TRIM45: variants seen among roughly 807,000 people sequenced by gnomAD.
TRIM45 encodes the protein E3 ubiquitin-protein ligase TRIM45.
A neutral mutation model predicts 46.7 loss-of-function variants in TRIM45; 45 were observed. The ratio of observed to expected loss-of-function variants is 0.96; its 90% CI spans 0.76 to 1.24. The LOEUF is 1.24. TRIM45 is among the 50% of genes most tolerant of loss of function. The probability of loss-of-function intolerance (pLI) is 0.00; values close to 1 mark genes in which losing one functional copy is unlikely to be tolerated. For missense variants in TRIM45, 680 were observed against 728.4 expected (o/e 0.93, Z 0.77); for synonymous variants, 259 against 285.8 (o/e 0.91, Z 0.94).
rs1252355305 is a variant in TRIM45 at position 117,117,955 on chromosome 1, A to G, written c.1222+79T>C. 5.2e-6 allele frequency: 8 copies of G among 1,533,268 alleles called. No individual in the cohort carries two copies. Among genetic ancestry groups the G allele is most frequent in the African/African-American group, 4.1e-5 (3 of 72,972 alleles). 95.0% of individuals were successfully genotyped at this position (1,533,268 alleles called of 1,614,324 possible). A position where few individuals can be genotyped will look rare whatever the true frequency, so the allele number is the denominator to read the frequency against. The stretch of plus-strand genomic sequence containing the variant: ...ACCTGGTCAGTAGGGCATGCTTCCT[A>G]GCAGAACAAGCCACCAATCTTCACA... On this transcript the variant is annotated intron_variant, in intron 2 of 5. Coordinates refer to ENST00000256649, the MANE Select transcript of TRIM45 (RefSeq NM_025188.4). The surrounding 1 kb of genome is among the most constrained non-coding windows in gnomAD (Gnocchi z 4.9).
At position 117,117,501 on chromosome 1, in the gene TRIM45, C is replaced by T. The variant is rs1279017917; in HGVS notation, c.1222+533G>A. On this transcript the variant is annotated intron_variant, in intron 2 of 5. Transcript: ENST00000256649. This position sits in a 1 kb window ranked among gnomAD's most constrained non-coding sequence, Gnocchi z 4.9. ...ATGCTTCCATTAGAAAGGGAACACT[C>T]GTTAAAAAAAACCATTTTTTCCCCC... Among the ~76,000 whole-genome samples, 2 of 152,126 alleles carry T rather than the reference C, an allele frequency of 1.3e-5. No homozygotes were observed. Among genetic ancestry groups the T allele is most frequent in the Non-Finnish European group, 2.9e-5 (2 of 68,024 alleles).
chr1:117,121,080 A>G lies in TRIM45; in HGVS notation c.122T>C (p.Leu41Pro), dbSNP rs773461760. ...GCAAACTGTATGCAAACAAGGCAAG[A>G]GCCTGGGGGCTTTGAAAAGCCCCAA... ...LCLGLFKAPR[L>P]LPCLHTVCTT... The change falls in exon 1 of 6, where the codon CTC becomes CCC. Residue 41 changes from leucine (L) to proline (P), a missense_variant. By Grantham distance (98) the Leu-to-Pro change is moderately conservative. Coordinates refer to ENST00000256649, the MANE Select transcript of TRIM45 (RefSeq NM_025188.4). The surrounding 1 kb of genome is among the most constrained non-coding windows in gnomAD (Gnocchi z 4.2). The G allele has an allele frequency of 6.8e-6, 11 of 1,613,970 alleles. No homozygotes were observed. The highest frequency in any genetic ancestry group is 1.7e-5 in the Admixed American group (1 of 59,992).
In TRIM45 at chr1:117,116,989, AGGACTGAAGG is replaced by A. The variant is rs1234727094; in HGVS notation, c.1223-254_1223-245del. Among the ~76,000 whole-genome samples, 2 of 151,956 alleles carry A rather than the reference AGGACTGAAGG, an allele frequency of 1.3e-5. No individual in the cohort carries two copies. Among genetic ancestry groups the A allele is most frequent in the Non-Finnish European group, 2.9e-5 (2 of 67,972 alleles). On this transcript the variant is annotated intron_variant, in intron 2 of 5. Transcript: ENST00000256649. This position sits in a 1 kb window ranked among gnomAD's most constrained non-coding sequence, Gnocchi z 4.6. The stretch of plus-strand genomic sequence containing the variant: ...GATCCTGGACCTTACCTTCAGTCCT[AGGACTGAAGG>A]TCCTATGCTTTAAAAATACTCACGA...
chr1:117,121,808 G>A (rs1650651658), upstream of TRIM45: 1 of 710,212 alleles, frequency 1.4e-6, no homozygotes, highest in African/African-American at 1.8e-5. The surrounding 1 kb of genome is among the most constrained non-coding windows in gnomAD (Gnocchi z 4.2). Flanking sequence ...CCGTCCGAGA[G>A]CGGCGGCCCT....
In TRIM45 at chr1:117,121,240, G is replaced by A. The variant is rs944239074; in HGVS notation, c.-39C>T. ...GTGACCAATATTAGAAAGGGCCCTG[G>A]GCAGTTCTACGATTTAGTAGCAGGT... On this transcript the variant is annotated 5_prime_UTR_variant, in exon 1 of 6. Coordinates refer to ENST00000256649, the MANE Select transcript of TRIM45 (RefSeq NM_025188.4). The surrounding 1 kb of genome is among the most constrained non-coding windows in gnomAD (Gnocchi z 4.2). 1.3e-6 allele frequency: 2 copies of A among 1,507,690 alleles called. No individual in the cohort carries two copies. The highest frequency in any genetic ancestry group is 1.8e-6 in the Non-Finnish European group (2 of 1,137,212). The allele number at this position is 1,507,690 out of a possible 1,614,324, so 93.4% of individuals were successfully genotyped here.
In TRIM45 at chr1:117,115,882, T is replaced by C. The variant is rs1650380703; in HGVS notation, c.1353-193A>G. ...AAACAGCATAAATTCCAATTTAGTC[T>C]GATATTCAGACAAATTCCTTGAATA... On this transcript the variant is annotated intron_variant, in intron 3 of 5. Transcript: ENST00000256649. This position sits in a 1 kb window ranked among gnomAD's most constrained non-coding sequence, Gnocchi z 4.2. Among the ~76,000 whole-genome samples, 1 of 152,268 alleles carries C rather than the reference T, an allele frequency of 6.6e-6. No individual in the cohort carries two copies. Among genetic ancestry groups the C allele is most frequent in the Non-Finnish European group, 1.5e-5 (1 of 68,048 alleles).
upstream of TRIM45, chr1:117,122,033 T>C: frequency 1.9e-6 from 1 of 529,698 alleles, no homozygotes; most frequent in South Asian, 2.4e-5. Flanking sequence ...TCACAGGGAC[T>C]GTCCCTCTCT....
chr1:117,116,200 G>A lies in TRIM45; in HGVS notation c.1352+416C>T, dbSNP rs1209968424. 1.3e-5 allele frequency among the ~76,000 whole-genome samples: 2 copies of A among 152,130 alleles called. No homozygotes were observed. The highest frequency in any genetic ancestry group is 2.9e-5 in the Non-Finnish European group (2 of 68,018). ...ACGTAACGTTTCATAGTATTATGGGGAGGTAAGACGTAACTAGTGAGTTAC... is the reference window on the plus strand; with the variant it reads ...ACGTAACGTTTCATAGTATTATGGGAAGGTAAGACGTAACTAGTGAGTTAC... On this transcript the variant is annotated intron_variant, in intron 3 of 5. Coordinates refer to ENST00000256649, the MANE Select transcript of TRIM45 (RefSeq NM_025188.4). This position sits in a 1 kb window ranked among gnomAD's most constrained non-coding sequence, Gnocchi z 4.6.
chr1:117,113,718 C>T lies in TRIM45; in HGVS notation c.1468-233G>A, dbSNP rs185598242. Among the ~76,000 whole-genome samples the T allele has an allele frequency of 6.5e-4, 99 of 152,272 alleles. No homozygotes were observed. The East Asian group carries it at 6.7e-3, about 10-fold the overall frequency. On this transcript the variant is annotated intron_variant, in intron 4 of 5. Coordinates refer to ENST00000256649, the MANE Select transcript of TRIM45 (RefSeq NM_025188.4). This position sits in a 1 kb window ranked among gnomAD's most constrained non-coding sequence, Gnocchi z 4.0. Reference sequence around the variant, plus strand: ...GCAGCCCTCCTACCATGCTTTTCACCGCAGATGCTAAGTACTAGACGTAGG... The same window carrying T: ...GCAGCCCTCCTACCATGCTTTTCACTGCAGATGCTAAGTACTAGACGTAGG...
chr1:117,115,666 T>C lies in TRIM45; in HGVS notation c.1376A>G (p.Asp459Gly). Reference sequence around the variant, plus strand: ...AATGTAGTATGTCCCATCCTTGTTATCCTGGACCATTGTTCTGACTGGGCT... The same window carrying C: ...AATGTAGTATGTCCCATCCTTGTTACCCTGGACCATTGTTCTGACTGGGCT... ...KDSPVRTMVQ[D>G]NKDGTYYISY... The change falls in exon 4 of 6, where the codon GAT becomes GGT. Residue 459 changes from aspartate to glycine, a missense_variant. Coordinates refer to ENST00000256649, the MANE Select transcript of TRIM45 (RefSeq NM_025188.4). This position sits in a 1 kb window ranked among gnomAD's most constrained non-coding sequence, Gnocchi z 4.2. The C allele has an allele frequency of 6.2e-7, 1 of 1,614,074 alleles. No homozygotes were observed. The highest frequency in any genetic ancestry group is 2.2e-5 in the East Asian group (1 of 44,872).
Position 117,120,991 on chromosome 1 carries a change from T to C in TRIM45, c.211A>G (p.Thr71Ala), listed in dbSNP as rs1650601130. 1 of 1,614,196 alleles carries C rather than the reference T, an allele frequency of 6.2e-7. No individual in the cohort carries two copies. The highest frequency in any genetic ancestry group is 1.1e-5 in the South Asian group (1 of 91,080). Residue 71 changes from threonine (T) to alanine (A), a missense_variant, in exon 1 of 6, where the codon ACA becomes GCA. Around this residue, in one of 3 missense-constraint regions of TRIM45, gnomAD observed 349 missense variants for 343.6 expected, o/e 1.02. Coordinates refer to ENST00000256649, the MANE Select transcript of TRIM45 (RefSeq NM_025188.4). ...TGGAATATTGACCCCTCAGAGCTTGTGTCAGAGTCTCCCCCTCGGATGTCC... is the reference window on the plus strand; with the variant it reads ...TGGAATATTGACCCCTCAGAGCTTGCGTCAGAGTCTCCCCCTCGGATGTCC... ...VVDIRGGDSD[T>A]SSEGSIFQEL...
intron 1 of TRIM45, 97 bp downstream of exon 1, chr1:117,120,617 G>A: frequency 6.7e-7 from 1 of 1,487,640 alleles, no homozygotes; most frequent in Non-Finnish European, 9.0e-7. Flanking sequence ...CGGTATTTGA[G>A]AAGGCTTTCC....
In TRIM45 at chr1:117,116,976, T is replaced by G. The variant is rs902076427; in HGVS notation, c.1223-231A>C. Among the ~76,000 whole-genome samples, 9 of 152,082 alleles carry G rather than the reference T, an allele frequency of 5.9e-5. No individual in the cohort carries two copies. The highest frequency in any genetic ancestry group is 1.3e-4 in the Non-Finnish European group (9 of 68,004). ...TTGGATCACACAGGATCCTGGACCT[T>G]ACCTTCAGTCCTAGGACTGAAGGTC... On this transcript the variant is annotated intron_variant, in intron 2 of 5. Transcript: ENST00000256649. This position sits in a 1 kb window ranked among gnomAD's most constrained non-coding sequence, Gnocchi z 4.6.
chr1:117,111,223 A>C lies in TRIM45; in HGVS notation c.*1082T>G, dbSNP rs1224513484. The C allele has an allele frequency of 6.6e-6, 1 of 152,272 alleles. No individual in the cohort carries two copies. Among genetic ancestry groups the C allele is most frequent in the African/African-American group, 2.4e-5 (1 of 41,460 alleles). The allele number at this position is 152,272 out of a possible 1,614,324, so 9.4% of individuals were successfully genotyped here. A position where few individuals can be genotyped will look rare whatever the true frequency, so the allele number is the denominator to read the frequency against. On this transcript the variant is annotated 3_prime_UTR_variant, in exon 6 of 6. Transcript: ENST00000256649. ...AGCTAAGAAGGCACACTATGAGTGAAGGCACAGTAAGAGTCAAAGCTCCCA... is the reference window on the plus strand; with the variant it reads ...AGCTAAGAAGGCACACTATGAGTGACGGCACAGTAAGAGTCAAAGCTCCCA...
In TRIM45 at chr1:117,113,972, A is replaced by G. The variant is rs1427129939; in HGVS notation, c.1468-487T>C. Reference sequence around the variant, plus strand: ...GATCATTCAATACATTAGTAATCTCAGACTGACTTTTCTCTGGGATTCTCA... The same window carrying G: ...GATCATTCAATACATTAGTAATCTCGGACTGACTTTTCTCTGGGATTCTCA... On this transcript the variant is annotated intron_variant, in intron 4 of 5. Coordinates refer to ENST00000256649, the MANE Select transcript of TRIM45 (RefSeq NM_025188.4). This position sits in a 1 kb window ranked among gnomAD's most constrained non-coding sequence, Gnocchi z 4.0. Among the ~76,000 whole-genome samples, 4 of 152,248 alleles carry G rather than the reference A, an allele frequency of 2.6e-5. No homozygotes were observed. The highest frequency in any genetic ancestry group is 5.9e-5 in the Non-Finnish European group (4 of 68,040).
At chr1:117,119,891 G>C (rs1650555159) in intron 1 of TRIM45, among the ~76,000 whole-genome samples, 1 of 152,192 alleles carries the variant, frequency 6.6e-6, no homozygotes, top group Non-Finnish European at 1.5e-5. Flanking sequence ...AAAATAGAGT[G>C]AAGTCTACAA....
At position 117,116,236 on chromosome 1, in the gene TRIM45, C is replaced by CTT. The variant is rs530981651; in HGVS notation, c.1352+378_1352+379dup. Among the ~76,000 whole-genome samples the CTT allele has an allele frequency of 6.3e-5, 9 of 143,912 alleles. No homozygotes were observed. Among genetic ancestry groups the CTT allele is most frequent in the African/African-American group, 1.8e-4 (7 of 39,394 alleles). 94.4% of individuals were successfully genotyped at this position (143,912 alleles called of 152,430 possible). ...TAACTAGTGAGTTACACTCCAATAT[C>CTT]TTTTTTTTTTTTTTGGACCTGGGGT... On this transcript the variant is annotated intron_variant, in intron 3 of 5. Coordinates refer to ENST00000256649, the MANE Select transcript of TRIM45 (RefSeq NM_025188.4). The surrounding 1 kb of genome is among the most constrained non-coding windows in gnomAD (Gnocchi z 4.6).
Position 117,117,875 on chromosome 1 carries a change from G to T in TRIM45, c.1222+159C>A, listed in dbSNP as rs571500801. Among the ~76,000 whole-genome samples, 18 of 152,294 alleles carry T rather than the reference G, an allele frequency of 1.2e-4. No homozygotes were observed. The highest frequency in any genetic ancestry group is 4.3e-4 in the African/African-American group (18 of 41,568). On this transcript the variant is annotated intron_variant, in intron 2 of 5. Transcript: ENST00000256649. This position sits in a 1 kb window ranked among gnomAD's most constrained non-coding sequence, Gnocchi z 4.9. ...TACCCTAGCCAGAACAAACCAGAAA[G>T]GGCAAAGGTGGGGGTCACTGTCTTT...
In TRIM45 at chr1:117,112,350, A is replaced by T; in HGVS notation, c.1698T>A (p.Gly566=). 6.2e-7 allele frequency: 1 copy of T among 1,614,030 alleles called. No homozygotes were observed. The highest frequency in any genetic ancestry group is 8.5e-7 in the Non-Finnish European group (1 of 1,179,950). Residue 566 remains glycine (G), a synonymous_variant, in exon 6 of 6, where the codon GGT becomes GGA. Transcript: ENST00000256649. ...GTAGACTCCTCGGTGCGCTCTGCCC[A>T]CCTGTCCATGTGCATTCAGATTTCT... ...FNEKSECTWT[G]GQSAPRSLLR... is the part of the protein sequence containing the mutation.
Sources: allele counts gnomAD v4.1 joint callset (sites outside exome capture counted in the v4.1 genomes callset), GRCh38; gene constraint gnomAD v4.1.1; regional missense constraint gnomAD v4.1.1; non-coding constraint Gnocchi (gnomAD v3.1); transcripts MANE v1.5; gene names NCBI Gene and HGNC (gene_info 2026-07-23, HGNC 2026-07-21).